The following CNTRL variants were observed in gnomAD, a reference collection of about 807,000 sequenced individuals.
CNTRL encodes the protein 110 kDa centrosomal protein.
Under a neutral mutation model 303.7 loss-of-function variants are expected in CNTRL, and 233 were observed. That is an observed-to-expected ratio of 0.77 (90% CI 0.69 to 0.86). The LOEUF is 0.86. Among genes scored for constraint, CNTRL ranks in the 40% least tolerant of loss-of-function variants. The pLI, the probability that CNTRL is intolerant of heterozygous loss-of-function variation, is 0.00. For synonymous variants in CNTRL, 900 were observed against 922.2 expected (o/e 0.98, Z 0.44); for missense variants, 2,524 against 2,650.6 (o/e 0.95, Z 1.05).
rs1321267312 is a variant in CNTRL, at chr9:121,135,942, A to C, written c.2162A>C (p.Gln721Pro). The stretch of plus-strand genomic sequence containing the variant: ...AACCTAAGGGATGCTGAAGCCAACC[A>C]GCTCAAGGAAGAGTTGGAAAAAGTA... ...RLNLRDAEAN[Q>P]LKEELEKVTR... Residue 721 changes from glutamine to proline, a missense_variant, in exon 15 of 44, where the codon CAG (glutamine) becomes CCG (proline). Gln to Pro is a moderately conservative substitution (Grantham distance 76). Transcript: ENST00000373855. 6.2e-7 allele frequency: 1 copy of C among 1,612,476 alleles called. No homozygotes were observed. The highest frequency in any genetic ancestry group is 1.1e-5 in the South Asian group (1 of 90,976).
At chr9:121,146,329 A>T in intron 23 of CNTRL, 73 bp downstream of exon 23, 1 of 1,468,508 alleles carries the variant, frequency 6.8e-7, no homozygotes. Context: ...CCCTTCCCCA[A>T]ATTTATGAAC....
intron 4 of CNTRL, among the ~76,000 whole-genome samples, chr9:121,091,825 C>T (rs998831101): frequency 2.0e-5 from 3 of 150,722 alleles, no homozygotes; most frequent in African/African-American, 7.3e-5. Context: ...GCCTGGGCAA[C>T]CTAGATGTTC....
chr9:121,131,193 C>T (rs1588195593), intron 14 of CNTRL, among the ~76,000 whole-genome samples: 2 of 151,966 alleles, frequency 1.3e-5, no homozygotes, highest in Non-Finnish European at 2.9e-5. Context: ...CCTTGTTAAC[C>T]TTCTGTCTTG....
intron 24 of CNTRL, 128 bp from the exon 25 acceptor site, chr9:121,150,037 TCAGAG>T: frequency 3.3e-6 from 2 of 603,650 alleles, no homozygotes; most frequent in Non-Finnish European, 2.7e-6. Flanking sequence ...GACCTTTTTT[TCAGAG>T]TTTTATTCTC....
At chr9:121,081,165 C>T (rs576629008) in intron 2 of CNTRL, among the ~76,000 whole-genome samples, 7 of 152,232 alleles carry the variant, frequency 4.6e-5, no homozygotes, top group Admixed American at 2.6e-4. Flanking sequence ...TCTTTATGGC[C>T]AGCTGTTAGA....
chr9:121,177,225 C>T lies in CNTRL; in HGVS notation c.*39C>T, dbSNP rs763963900. The T allele has an allele frequency of 3.9e-6, 6 of 1,531,334 alleles. No homozygotes were observed. Among genetic ancestry groups the T allele is most frequent in the South Asian group, 2.3e-5 (2 of 87,540 alleles). The allele number at this position is 1,531,334 out of a possible 1,614,324, so 94.9% of individuals were successfully genotyped here. On this transcript the variant is annotated 3_prime_UTR_variant, in exon 44 of 44. Coordinates refer to ENST00000373855, the MANE Select transcript of CNTRL (RefSeq NM_007018.6). Reference sequence around the variant, plus strand: ...GTGTAAATATATTCAAGGAAAACACCTCCACTACCTCACTGACTTCATAAT... The same window carrying T: ...GTGTAAATATATTCAAGGAAAACACTTCCACTACCTCACTGACTTCATAAT...
rs771763071 is a variant in CNTRL at position 121,158,062 on chromosome 9, G to T, written c.4717G>T (p.Val1573Leu). ...CCTGCAGGTCCTTAAAGAATCTGAG[G>T]TGCTTCTTCAGGCCAAAAGAGCCGA... The part of the protein sequence containing the change: ...HHLQVLKESE[V>L]LLQAKRAELE... Residue 1573 changes from valine (V) to leucine (L), a missense_variant, in exon 30 of 44, where the codon GTG (valine) becomes TTG (leucine). Transcript: ENST00000373855. The T allele has an allele frequency of 1.9e-6, 3 of 1,613,996 alleles. No homozygotes were observed. The highest frequency in any genetic ancestry group is 1.3e-5 in the African/African-American group (1 of 74,906).
chr9:121,159,169 ATGC>A (rs2052732937), intron 31 of CNTRL, 150 bp downstream of exon 31: 8 of 749,788 alleles, frequency 1.1e-5, no homozygotes, highest in Middle Eastern at 7.7e-4. Context: ...TTACATATCC[ATGC>A]AGTGGCTGTC....
At chr9:121,142,800 A>G (rs2051595575) in intron 19 of CNTRL, among the ~76,000 whole-genome samples, 7 of 152,190 alleles carry the variant, frequency 4.6e-5, no homozygotes, top group Admixed American at 3.9e-4. Context: ...AAAATTTGTC[A>G]GCCTTATTGA....
chr9:121,163,005 A>T (rs1421942540), intron 34 of CNTRL, among the ~76,000 whole-genome samples: 2 of 152,138 alleles, frequency 1.3e-5, no homozygotes, highest in Non-Finnish European at 2.9e-5. Flanking sequence ...CCAAAAAAAG[A>T]ATCTCAATTC....
At chr9:121,148,406 C>T (rs754962876) in intron 23 of CNTRL, among the ~76,000 whole-genome samples, 2 of 152,194 alleles carry the variant, frequency 1.3e-5, no homozygotes, top group Non-Finnish European at 2.9e-5. Flanking sequence ...CAGCCATTAC[C>T]CACATAGCCC....
Position 121,107,865 on chromosome 9 carries a change from G to A in CNTRL, c.872G>A (p.Ser291Asn). The A allele has an allele frequency of 6.2e-7, 1 of 1,608,868 alleles. No homozygotes were observed. The highest frequency in any genetic ancestry group is 1.1e-5 in the South Asian group (1 of 90,176). ...ATGATAGAAACTGAAGAGCTTAAGA[G>A]CAAACAAACAAGGTTCCTTGAGGAA... ...KKMIETEELKSKQTRFLEEIK... is the reference protein window; with the variant it reads ...KKMIETEELKNKQTRFLEEIK... The change falls in exon 8 of 44, where the codon AGC (serine) becomes AAC (asparagine). Residue 291 changes from serine to asparagine, a missense_variant. Physicochemically the swap from Ser to Asn is conservative, Grantham distance 46 (BLOSUM62 1). Transcript: ENST00000373855.
chr9:121,171,024 C>G (rs1157403151), intron 39 of CNTRL, among the ~76,000 whole-genome samples: 2 of 152,114 alleles, frequency 1.3e-5, no homozygotes, highest in Admixed American at 6.5e-5. Context: ...AACTTTTAAA[C>G]CATGTGTGTC....
At chr9:121,084,841 G>C (rs2048285490) in intron 2 of CNTRL, among the ~76,000 whole-genome samples, 1 of 152,162 alleles carries the variant, frequency 6.6e-6, no homozygotes, top group Non-Finnish European at 1.5e-5. Flanking sequence ...ACTATGCCCG[G>C]CTGAGGATGT....
rs147711162 is a variant in CNTRL at position 121,116,570 on chromosome 9, G to T, written c.1455+1370G>T. Reference sequence around the variant, plus strand: ...ACTCTTAGGCTCAAGCGATCTGCCCGTCTTGGCCTCCTAAATTGTTCATAA... The same window carrying T: ...ACTCTTAGGCTCAAGCGATCTGCCCTTCTTGGCCTCCTAAATTGTTCATAA... On this transcript the variant is annotated intron_variant, in intron 11 of 43. Coordinates refer to ENST00000373855, the MANE Select transcript of CNTRL (RefSeq NM_007018.6). Among the ~76,000 whole-genome samples the T allele has an allele frequency of 2.2e-3, 336 of 152,172 alleles. 2 individuals are homozygous for T. Among genetic ancestry groups the T allele is most frequent in the African/African-American group, 7.2e-3 (297 of 41,508 alleles).
chr9:121,171,429 T>C lies in CNTRL; in HGVS notation c.6298T>C (p.Cys2100Arg). 6.2e-7 allele frequency: 1 copy of C among 1,614,052 alleles called. No homozygotes were observed. Among genetic ancestry groups the C allele is most frequent in the Non-Finnish European group, 8.5e-7 (1 of 1,179,956 alleles). ...CTAGGAGCAAAAACAGGAGAACAGC[T>C]GCATACAAAAGGAAATGGCAACAAT... ...NLLEQKQENS[C>R]IQKEMATIEL... Residue 2100 changes from cysteine (C) to arginine (R), a missense_variant, in exon 40 of 44, where the codon TGC becomes CGC. Coordinates refer to ENST00000373855, the MANE Select transcript of CNTRL (RefSeq NM_007018.6).
intron 4 of CNTRL, among the ~76,000 whole-genome samples, chr9:121,093,454 G>A (rs1201957367): frequency 1.3e-5 from 2 of 152,108 alleles, no homozygotes; most frequent in Admixed American, 1.3e-4. Context: ...TAAGTATAAT[G>A]CAAATATTTC....
At position 121,138,667 on chromosome 9, in the gene CNTRL, T is replaced by TA. The variant is rs2051329841; in HGVS notation, c.2328dup (p.His777ThrfsTer5). On this transcript the variant is annotated frameshift_variant, in exon 16 of 44. Transcript: ENST00000373855. LOFTEE classifies it high-confidence loss of function. ...AGAACAGTGAGCTCCATGCAAAACT[T>TA]AAACACTTGCAGGTAGAGATTTGTT... 1 of 1,613,614 alleles carries TA rather than the reference T, an allele frequency of 6.2e-7. No homozygotes were observed. The highest frequency in any genetic ancestry group is 1.7e-5 in the Admixed American group (1 of 59,960).
intron 2 of CNTRL, among the ~76,000 whole-genome samples, chr9:121,085,086 TG>T (rs1157373865): frequency 6.6e-6 from 1 of 152,248 alleles, no homozygotes; most frequent in African/African-American, 2.4e-5. Flanking sequence ...AGTGATCAGA[TG>T]TTTTTCATAT....
Sources: allele counts gnomAD v4.1 joint callset (sites outside exome capture counted in the v4.1 genomes callset), GRCh38; gene constraint gnomAD v4.1.1; transcripts MANE v1.5; gene names NCBI Gene and HGNC (gene_info 2026-07-23, HGNC 2026-07-21).